Variants in ELAVL2 observed in about 807,000 individuals in gnomAD.
ELAVL2 encodes the protein ELAV like RNA binding protein 2.
Under a neutral mutation model 34.6 loss-of-function variants are expected in ELAVL2, and 4 were observed. That is an observed-to-expected ratio of 0.12 (90% confidence interval 0.06 to 0.26). The LOEUF is 0.26. Among genes scored for constraint, ELAVL2 ranks in the 10% least tolerant of loss-of-function variants. The probability of loss-of-function intolerance (pLI) is 1.00; values close to 1 mark genes in which losing one functional copy is unlikely to be tolerated. For missense variants in ELAVL2, 432 were observed against 442.8 expected, an observed-to-expected ratio of 0.98 and a Z score of 0.22; for synonymous variants, 193 against 154.8, an observed-to-expected ratio of 1.25 and a Z score of -1.83.
At chr9:23,787,912 G>T (rs990398170) in intron 1 of ELAVL2, among the ~76,000 whole-genome samples, 5 of 152,160 alleles carry the variant, frequency 3.3e-5, no homozygotes, top group African/African-American at 1.2e-4. Context: ...GCAAACAGAA[G>T]TTCAAAAACA....
chr9:23,813,544 G>T (rs1045086433), intron 1 of ELAVL2, among the ~76,000 whole-genome samples: 1 of 151,776 alleles, frequency 6.6e-6, no homozygotes, highest in Non-Finnish European at 1.5e-5. Context: ...AGTTTTTACA[G>T]CATCAAGTAG....
At chr9:23,770,021 A>T (rs1461169977) in intron 1 of ELAVL2, among the ~76,000 whole-genome samples, 2 of 152,208 alleles carry the variant, frequency 1.3e-5, no homozygotes, top group East Asian at 3.8e-4. Context: ...AGATCTGCTT[A>T]AGTTTCATGT....
At chr9:23,801,052 G>A (rs552979157) in intron 1 of ELAVL2, among the ~76,000 whole-genome samples, 4 of 152,168 alleles carry the variant, frequency 2.6e-5, no homozygotes, top group Non-Finnish European at 5.9e-5. Flanking sequence ...GAACTGTACA[G>A]CAACTGTCCT....
At chr9:23,772,862 T>A (rs919447006) in intron 1 of ELAVL2, among the ~76,000 whole-genome samples, 8 of 152,282 alleles carry the variant, frequency 5.3e-5, no homozygotes, top group African/African-American at 1.4e-4. Context: ...TTTTATTTAC[T>A]ATGGAAATTT....
chr9:23,699,894 G>C (rs554708476), intron 5 of ELAVL2, among the ~76,000 whole-genome samples: 1 of 135,806 alleles, frequency 7.4e-6, no homozygotes. Flanking sequence ...TGAAGTACAA[G>C]GCTCAATGCT....
At chr9:23,782,395 C>T (rs988508925) in intron 1 of ELAVL2, among the ~76,000 whole-genome samples, 1 of 151,110 alleles carries the variant, frequency 6.6e-6, no homozygotes, top group Non-Finnish European at 1.5e-5. Flanking sequence ...ATTAAAAATA[C>T]AAAAAATTAA....
chr9:23,702,951 C>CGCAAAAAAA (rs2037824067), intron 4 of ELAVL2, among the ~76,000 whole-genome samples: 1 of 47,626 alleles, frequency 2.1e-5, no homozygotes, highest in Non-Finnish European at 4.0e-5. Flanking sequence ...ATCAGATTAG[C>CGCAAAAAAA]AAAAAAAAAA....
the ELAVL2 span, among the ~76,000 whole-genome samples, chr9:23,840,360 A>C: frequency 6.6e-6 from 1 of 152,124 alleles, no homozygotes; most frequent in African/African-American, 2.4e-5. Context: ...TTACCTCAAG[A>C]GATTTCACTG....
chr9:23,837,353 T>C, the ELAVL2 span, among the ~76,000 whole-genome samples: 1 of 152,156 alleles, frequency 6.6e-6, no homozygotes. Context: ...CAAGGAGGCA[T>C]GAGTCCTAGT....
At chr9:23,821,255 T>A (rs1394731124) in intron 1 of ELAVL2, 1 of 152,336 alleles carries the variant, frequency 6.6e-6, no homozygotes, top group Non-Finnish European at 1.5e-5. Context: ...CTTCTTGCGC[T>A]ACACGCGGCC....
chr9:23,724,028 C>G (rs1280100867), intron 3 of ELAVL2, among the ~76,000 whole-genome samples: 1 of 152,200 alleles, frequency 6.6e-6, no homozygotes, highest in Non-Finnish European at 1.5e-5. Context: ...ACCTGACATT[C>G]TCCATGCTGG....
chr9:23,768,069 A>G (rs2056648670), intron 1 of ELAVL2, among the ~76,000 whole-genome samples: 1 of 152,230 alleles, frequency 6.6e-6, no homozygotes, highest in African/African-American at 2.4e-5. Flanking sequence ...CTCTCTCCTC[A>G]TCCTAATCTA....
At chr9:23,802,247 G>A (rs1238234116) in intron 1 of ELAVL2, among the ~76,000 whole-genome samples, 1 of 152,030 alleles carries the variant, frequency 6.6e-6, no homozygotes, top group Admixed American at 6.6e-5. Context: ...TAGATGTGTG[G>A]GCATGTATTT....
chr9:23,817,396 G>T (rs1348976839), intron 1 of ELAVL2, among the ~76,000 whole-genome samples: 3 of 152,110 alleles, frequency 2.0e-5, no homozygotes, highest in Non-Finnish European at 2.9e-5. Flanking sequence ...ACGAAAACCT[G>T]TATCTGTTGT....
chr9:23,814,633 A>T (rs891628665), intron 1 of ELAVL2, among the ~76,000 whole-genome samples: 1 of 152,160 alleles, frequency 6.6e-6, no homozygotes, highest in African/African-American at 2.4e-5. Context: ...GGAGATCAAA[A>T]GTGGTGTTGA....
chr9:23,850,455 G>T, the ELAVL2 span, among the ~76,000 whole-genome samples: 14 of 152,106 alleles, frequency 9.2e-5, no homozygotes, highest in Non-Finnish European at 1.9e-4. Flanking sequence ...AGGCTCCCGC[G>T]AGCAGCTGCT....
intron 1 of ELAVL2, among the ~76,000 whole-genome samples, chr9:23,812,544 G>C (rs758049330): frequency 6.6e-6 from 1 of 152,034 alleles, no homozygotes; most frequent in Non-Finnish European, 1.5e-5. Context: ...GCAATGAGAT[G>C]CTGCAGGGAG....
intron 1 of ELAVL2, among the ~76,000 whole-genome samples, chr9:23,802,684 GCCTTTT>G: frequency 6.6e-6 from 1 of 152,164 alleles, no homozygotes; most frequent in Non-Finnish European, 1.5e-5. Context: ...TCAAGAGAAT[GCCTTTT>G]CCTCTCATAA....
intron 1 of ELAVL2, among the ~76,000 whole-genome samples, chr9:23,784,896 C>T (rs1263392434): frequency 2.0e-5 from 3 of 152,208 alleles, no homozygotes; most frequent in African/African-American, 7.2e-5. Context: ...CCAAGTACTT[C>T]ACTAGACATT....
Sources: allele counts gnomAD v4.1 joint callset (sites outside exome capture counted in the v4.1 genomes callset), GRCh38; gene constraint gnomAD v4.1.1; transcripts MANE v1.5; gene names NCBI Gene and HGNC (gene_info 2026-07-23, HGNC 2026-07-21).